ZNF804A: variants seen among roughly 807,000 people sequenced by gnomAD.
ZNF804A encodes the protein zinc finger protein 804A.
Under a neutral mutation model 16.5 loss-of-function variants are expected in ZNF804A, and 2 were observed. The observed-to-expected ratio is 0.12, with a 90% CI of 0.05 to 0.38. The LOEUF (loss-of-function observed/expected upper bound fraction) is 0.38. Among genes scored for constraint, ZNF804A ranks in the 10% least tolerant of loss-of-function variants. ZNF804A has a pLI of 0.99. For synonymous variants in ZNF804A, 534 were observed against 489.6 expected (o/e 1.09, Z -1.20); for missense variants, 1,473 against 1,390.7 (o/e 1.06, Z -0.94).
At chr2:184,885,578 C>T (rs1328177401) in intron 2 of ZNF804A, among the ~76,000 whole-genome samples, 2 of 152,084 alleles carry the variant, frequency 1.3e-5, no homozygotes, top group Non-Finnish European at 2.9e-5. Flanking sequence ...AGTCTGCTTT[C>T]GTGCTGCTGA....
intron 1 of ZNF804A, among the ~76,000 whole-genome samples, chr2:184,768,485 G>T (rs115983334): frequency 2.0e-5 from 3 of 152,204 alleles, no homozygotes; most frequent in Non-Finnish European, 4.4e-5. Context: ...TCAAAGAATG[G>T]TGGTTCTTAA....
intron 1 of ZNF804A, among the ~76,000 whole-genome samples, chr2:184,742,516 G>A (rs1693723858): frequency 6.6e-6 from 1 of 151,926 alleles, no homozygotes; most frequent in Non-Finnish European, 1.5e-5. Context: ...GAAAGAATAA[G>A]ATATTTTTGC....
chr2:184,679,513 C>T (rs934889574), intron 1 of ZNF804A, among the ~76,000 whole-genome samples: 1 of 152,164 alleles, frequency 6.6e-6, no homozygotes, highest in Non-Finnish European at 1.5e-5. Flanking sequence ...TGGACCTGGA[C>T]ATCTCTGCAC....
chr2:184,844,446 C>A (rs1043300426), intron 1 of ZNF804A, among the ~76,000 whole-genome samples: 2 of 152,006 alleles, frequency 1.3e-5, no homozygotes, highest in Admixed American at 6.6e-5. Context: ...CTGAGAAAGT[C>A]TATTTCTGTT....
At chr2:184,637,045 C>A (rs1042281087) in intron 1 of ZNF804A, among the ~76,000 whole-genome samples, 1 of 152,100 alleles carries the variant, frequency 6.6e-6, no homozygotes, top group South Asian at 2.1e-4. Flanking sequence ...TAGTGATGAT[C>A]TATGTGGTTT....
At chr2:184,712,641 G>A (rs930943809) in intron 1 of ZNF804A, among the ~76,000 whole-genome samples, 2 of 151,556 alleles carry the variant, frequency 1.3e-5, no homozygotes, top group African/African-American at 2.4e-5. Flanking sequence ...TGTTCTTCCA[G>A]AACTTTCATA....
At chr2:184,635,405 T>C (rs892314374) in intron 1 of ZNF804A, among the ~76,000 whole-genome samples, 2 of 152,148 alleles carry the variant, frequency 1.3e-5, no homozygotes, top group Non-Finnish European at 2.9e-5. Context: ...TACAGTAAAG[T>C]AACTACTGCT....
At chr2:184,629,506 T>C (rs1574138448) in intron 1 of ZNF804A, among the ~76,000 whole-genome samples, 1 of 152,142 alleles carries the variant, frequency 6.6e-6, no homozygotes, top group South Asian at 2.1e-4. Flanking sequence ...ATGACCAAAA[T>C]GAATGAATTC....
chr2:184,714,795 T>A (rs1235225761), intron 1 of ZNF804A, among the ~76,000 whole-genome samples: 1 of 152,166 alleles, frequency 6.6e-6, no homozygotes, highest in African/African-American at 2.4e-5. Context: ...AATATCTAAT[T>A]CATAGTTTTG....
chr2:184,609,036 C>T (rs558099030), intron 1 of ZNF804A, among the ~76,000 whole-genome samples: 1 of 152,266 alleles, frequency 6.6e-6, no homozygotes, highest in South Asian at 2.1e-4. Flanking sequence ...TCAAGGAGGA[C>T]ATAGTCCAAG....
intron 1 of ZNF804A, among the ~76,000 whole-genome samples, chr2:184,810,635 C>T (rs1056927283): frequency 6.6e-6 from 1 of 151,738 alleles, no homozygotes. Flanking sequence ...GGACTACCGG[C>T]GCCCGCCACC....
At chr2:184,802,718 G>A (rs533035390) in intron 1 of ZNF804A, among the ~76,000 whole-genome samples, 2 of 152,294 alleles carry the variant, frequency 1.3e-5, no homozygotes, top group South Asian at 2.1e-4. Context: ...TCTTGGAATA[G>A]TATCTTCCAA....
intron 1 of ZNF804A, among the ~76,000 whole-genome samples, chr2:184,727,321 A>T (rs1451433182): frequency 1.3e-5 from 2 of 151,622 alleles, no homozygotes; most frequent in African/African-American, 4.8e-5. Context: ...ATATGAAAGA[A>T]TTGTCTGAGT....
intron 1 of ZNF804A, among the ~76,000 whole-genome samples, chr2:184,780,550 G>C (rs1694357732): frequency 6.6e-6 from 1 of 151,608 alleles, no homozygotes; most frequent in Admixed American, 6.6e-5. Context: ...CAGATGGAGG[G>C]AGGTACATGA....
chr2:184,698,668 G>A (rs1692873723), intron 1 of ZNF804A, among the ~76,000 whole-genome samples: 1 of 152,032 alleles, frequency 6.6e-6, no homozygotes. Context: ...TAGACTTTGA[G>A]ATTTGTTGAC....
At chr2:184,789,069 T>C (rs1037300791) in intron 1 of ZNF804A, among the ~76,000 whole-genome samples, 5 of 152,058 alleles carry the variant, frequency 3.3e-5, no homozygotes, top group African/African-American at 1.2e-4. Flanking sequence ...TGTTATCGAA[T>C]GGTTTTTGTG....
chr2:184,758,261 T>C (rs1693987751), intron 1 of ZNF804A, among the ~76,000 whole-genome samples: 1 of 151,996 alleles, frequency 6.6e-6, no homozygotes, highest in Non-Finnish European at 1.5e-5. Flanking sequence ...TCATTCAAGA[T>C]AGCGAATTAG....
intron 1 of ZNF804A, among the ~76,000 whole-genome samples, chr2:184,743,128 G>A (rs527343716): frequency 6.6e-6 from 1 of 152,012 alleles, no homozygotes; most frequent in Admixed American, 6.6e-5. Context: ...ACATAGCCTA[G>A]GCAGTACTCT....
At chr2:184,631,346 A>G (rs1476760618) in intron 1 of ZNF804A, among the ~76,000 whole-genome samples, 1 of 152,174 alleles carries the variant, frequency 6.6e-6, no homozygotes, top group Non-Finnish European at 1.5e-5. Context: ...AGCTTAACAC[A>G]GGTGCTTTGG....
Sources: gnomAD v4.1 joint callset for allele counts (sites outside exome capture counted in the v4.1 genomes callset) on GRCh38, gnomAD v4.1.1 for gene constraint, MANE v1.5 for transcripts, NCBI Gene and HGNC (gene_info 2026-07-23, HGNC 2026-07-21) for gene names.